Variants in IL7 observed in about 807,000 individuals in gnomAD.
IL7 encodes interleukin-7.
A neutral mutation model predicts 21.6 loss-of-function variants in IL7; 3 were observed. The observed-to-expected ratio is 0.14, with a 90% CI of 0.06 to 0.36. The LOEUF is 0.36. Ranked by LOEUF, IL7 falls within the 10% of genes least tolerant of loss-of-function variation. IL7 has a pLI of 1.00. For missense variants in IL7, 175 were observed against 200.2 expected, an observed-to-expected ratio of 0.87 and a Z score of 0.76; for synonymous variants, 62 against 68.1, an observed-to-expected ratio of 0.91 and a Z score of 0.44.
intron 3 of IL7, among the ~76,000 whole-genome samples, chr8:78,690,899 T>C (rs1314095746): frequency 2.7e-4 from 41 of 152,210 alleles, no homozygotes; most frequent in Admixed American, 2.7e-3. Flanking sequence ...TTTTGCTTGT[T>C]TAGAAAAACT....
In IL7 at chr8:78,780,592, G is replaced by C. The variant is rs765104000; in HGVS notation, c.147+17480C>G. Among the ~76,000 whole-genome samples, 26 of 152,294 alleles carry C rather than the reference G, an allele frequency of 1.7e-4. 1 individual carries two copies. Among genetic ancestry groups the C allele is most frequent in the South Asian group, 1.0e-3 (5 of 4,830 alleles). ...CTAATTTGATTGCACTGTGGTCTAA[G>C]AGACTGTTTGTTGTGATTTCAGTTC... is the stretch of plus-strand genomic sequence containing the variant. On this transcript the variant is annotated intron_variant, in intron 2 of 5. Coordinates refer to ENST00000263851, the MANE Select transcript of IL7 (RefSeq NM_000880.4).
intron 3 of IL7, among the ~76,000 whole-genome samples, chr8:78,707,980 G>A (rs1487484769): frequency 3.3e-5 from 5 of 151,548 alleles, no homozygotes; most frequent in Admixed American, 1.3e-4. Context: ...AGAATGCCTA[G>A]GCTAACAAAA....
At chr8:78,803,363 C>G (rs951233690) in intron 1 of IL7, among the ~76,000 whole-genome samples, 10 of 152,148 alleles carry the variant, frequency 6.6e-5, no homozygotes, top group African/African-American at 2.4e-4. Flanking sequence ...CCAGATAAGA[C>G]AGTTGGAGAC....
chr8:78,744,861 G>C (rs542012084), intron 2 of IL7, among the ~76,000 whole-genome samples: 1 of 152,300 alleles, frequency 6.6e-6, no homozygotes, highest in African/African-American at 2.4e-5. Flanking sequence ...TGGGAAGAGT[G>C]TGGTTTCCAG....
chr8:78,737,614 A>G (rs552075956), intron 4 of IL7, among the ~76,000 whole-genome samples: 6 of 152,252 alleles, frequency 3.9e-5, no homozygotes, highest in African/African-American at 1.4e-4. Flanking sequence ...ATAATAGATA[A>G]TCTACATTTT....
chr8:78,774,753 A>T (rs375662945), intron 2 of IL7, among the ~76,000 whole-genome samples: 1 of 152,164 alleles, frequency 6.6e-6, no homozygotes, highest in Non-Finnish European at 1.5e-5. Context: ...GAACAAACAA[A>T]GAATAAAAAT....
intron 3 of IL7, among the ~76,000 whole-genome samples, chr8:78,709,248 T>C (rs1179363836): frequency 6.6e-6 from 1 of 152,232 alleles, no homozygotes; most frequent in Non-Finnish European, 1.5e-5. Context: ...CATTTTTTAA[T>C]TTAAAAAATT....
intron 1 of IL7, among the ~76,000 whole-genome samples, chr8:78,801,354 T>A (rs1409265338): frequency 1.3e-5 from 2 of 152,206 alleles, no homozygotes; most frequent in African/African-American, 4.8e-5. Context: ...TAGTTGAGGA[T>A]CTACTATGTG....
intron 2 of IL7, chr8:78,747,122 G>T (rs1385679602): frequency 4.4e-6 from 2 of 452,980 alleles, no homozygotes; most frequent in South Asian, 3.1e-5. Flanking sequence ...TTTTGGCATA[G>T]AATATATTCA....
chr8:78,680,438 C>T (rs1476373453), intron 4 of IL7, among the ~76,000 whole-genome samples: 1 of 152,096 alleles, frequency 6.6e-6, no homozygotes, highest in Non-Finnish European at 1.5e-5. Context: ...ATCTCAGCCT[C>T]CTCCCAAACA....
chr8:78,750,025 CCT>C (rs1024266005), intron 2 of IL7, among the ~76,000 whole-genome samples: 21 of 151,668 alleles, frequency 1.4e-4, no homozygotes, highest in African/African-American at 4.8e-4. Flanking sequence ...ACAGTAAGAC[CCT>C]GTCTCAAAAA....
rs180748229 is a variant in IL7, at chr8:78,763,355, A to C, written c.148-23273T>G. On this transcript the variant is annotated intron_variant, in intron 2 of 5. Transcript: ENST00000263851. ...AGTGAAATGAATGATAGCAGTGATAAAAGGTTAGGAGGGAGAAATTAGTAA... is the reference window on the plus strand; with the variant it reads ...AGTGAAATGAATGATAGCAGTGATACAAGGTTAGGAGGGAGAAATTAGTAA... Among the ~76,000 whole-genome samples the C allele has an allele frequency of 2.4e-3, 373 of 152,364 alleles. 2 individuals are homozygous for C. Among genetic ancestry groups the C allele is most frequent in the African/African-American group, 8.3e-3 (346 of 41,588 alleles).
downstream of IL7, among the ~76,000 whole-genome samples, chr8:78,729,974 C>T (rs552716962): frequency 1.3e-5 from 2 of 151,972 alleles, no homozygotes; most frequent in East Asian, 3.9e-4. Context: ...ATGATCAGTT[C>T]CACCTGGGAA....
At chr8:78,803,140 C>G (rs1051826089) in intron 1 of IL7, among the ~76,000 whole-genome samples, 2 of 152,030 alleles carry the variant, frequency 1.3e-5, no homozygotes, top group Non-Finnish European at 2.9e-5. Context: ...CTCCTTTATG[C>G]TTGTTCAGGG....
chr8:78,684,135 T>G (rs1403547289), intron 4 of IL7, among the ~76,000 whole-genome samples: 3 of 152,210 alleles, frequency 2.0e-5, no homozygotes, highest in Non-Finnish European at 4.4e-5. Context: ...CCAAAGTTGC[T>G]TACACATTTT....
intron 2 of IL7, among the ~76,000 whole-genome samples, chr8:78,767,818 T>C (rs1213005689): frequency 6.6e-6 from 1 of 152,086 alleles, no homozygotes; most frequent in Non-Finnish European, 1.5e-5. Context: ...ATGTGCACAA[T>C]GTGCAGGTTA....
At chr8:78,692,083 A>G (rs1277449673) in intron 3 of IL7, among the ~76,000 whole-genome samples, 1 of 152,200 alleles carries the variant, frequency 6.6e-6, no homozygotes, top group Non-Finnish European at 1.5e-5. Flanking sequence ...GAAAGGTATA[A>G]TACATTATCA....
At chr8:78,797,434 A>C (rs1284033344) in intron 2 of IL7, among the ~76,000 whole-genome samples, 1 of 152,020 alleles carries the variant, frequency 6.6e-6, no homozygotes, top group Non-Finnish European at 1.5e-5. Context: ...CATCAATTGT[A>C]ATAAATGTGC....
chr8:78,787,227 G>T (rs188403100), intron 2 of IL7, among the ~76,000 whole-genome samples: 19 of 152,266 alleles, frequency 1.2e-4, no homozygotes, highest in African/African-American at 4.1e-4. Context: ...AGAAGCACAG[G>T]TTAGACATCC....
Sources: gnomAD v4.1 joint callset for allele counts (sites outside exome capture counted in the v4.1 genomes callset) on GRCh38, gnomAD v4.1.1 for gene constraint, MANE v1.5 for transcripts, NCBI Gene and HGNC (gene_info 2026-07-23, HGNC 2026-07-21) for gene names.